The following ACIN1 variants were observed in gnomAD, a reference collection of about 807,000 sequenced individuals.
ACIN1 encodes the protein apoptotic chromatin condensation inducer 1.
A neutral mutation model predicts 146.6 loss-of-function variants in ACIN1; 16 were observed. That is an observed-to-expected ratio of 0.11 (90% CI 0.07 to 0.17). The LOEUF is 0.17. Among genes scored for constraint, ACIN1 ranks in the 10% least tolerant of loss-of-function variants. The pLI is 1.00. For missense variants in ACIN1, 1,357 were observed against 1,609.3 expected, an observed-to-expected ratio of 0.84 and a Z score of 2.68; for synonymous variants, 569 against 582.7, an observed-to-expected ratio of 0.98 and a Z score of 0.34.
chr14:23,081,739 CT>C lies in ACIN1; in HGVS notation c.525+8del. ...GAAGAGGTAATGCTTTAGGAGGTAT[CT>C]GAGTTACCTGTCTGACCCTAGATGA... On this transcript the variant is annotated splice_region_variant and intron_variant, in intron 5 of 18. Transcript: ENST00000605057. The C allele has an allele frequency of 6.2e-7, 1 of 1,606,060 alleles. No individual in the cohort carries two copies. The highest frequency in any genetic ancestry group is 8.5e-7 in the Non-Finnish European group (1 of 1,175,628).
intron 8 of ACIN1, 35 bp from the exon 9 acceptor site, chr14:23,069,652 G>GGGGGGGCC: frequency 3.5e-6 from 2 of 577,950 alleles, no homozygotes; most frequent in African/African-American, 1.9e-5. Flanking sequence ...GGGGGGGCGG[G>GGGGGGGCC]CAGAAAAGAA....
intron 5 of ACIN1, 32 bp from the exon 6 acceptor site, chr14:23,080,841 G>A (rs371560778): frequency 8.7e-5 from 136 of 1,557,074 alleles, no homozygotes; most frequent in Non-Finnish European, 1.2e-4. Context: ...GGCTCCAAAT[G>A]TATTTGCTCA....
intron 4 of ACIN1, among the ~76,000 whole-genome samples, chr14:23,083,256 G>C (rs2047997069): frequency 6.6e-6 from 1 of 151,876 alleles, no homozygotes; most frequent in Non-Finnish European, 1.5e-5. Flanking sequence ...CCAGGCTGGA[G>C]TGCAGTGGCA....
At chr14:23,088,427 C>T (rs190295148) in intron 4 of ACIN1, among the ~76,000 whole-genome samples, 5 of 152,268 alleles carry the variant, frequency 3.3e-5, no homozygotes, top group Admixed American at 6.5e-5. Flanking sequence ...AAAACAGGAC[C>T]TTAAAACTAG....
At chr14:23,075,698 T>C (rs930709836) in intron 8 of ACIN1, among the ~76,000 whole-genome samples, 3 of 150,284 alleles carry the variant, frequency 2.0e-5, no homozygotes, top group African/African-American at 4.9e-5. Context: ...AGGCCATAAA[T>C]GGTCTTTTCC....
In ACIN1 at chr14:23,079,058, A is replaced by C; in HGVS notation, c.1789-20T>G. The C allele has an allele frequency of 6.2e-7, 1 of 1,605,060 alleles. No homozygotes were observed. The highest frequency in any genetic ancestry group is 8.5e-7 in the Non-Finnish European group (1 of 1,174,582). ...CAGAGACTAAAACAAAATGAAACAC[A>C]TAACAAGGAAAATTATTGTATATGG... On this transcript the variant is annotated intron_variant, in intron 6 of 18. Transcript: ENST00000605057.
intron 4 of ACIN1, among the ~76,000 whole-genome samples, chr14:23,087,149 T>C (rs111817346): frequency 4.6e-5 from 7 of 152,198 alleles, no homozygotes; most frequent in South Asian, 2.1e-4. Context: ...TAAGCTGCCA[T>C]TGCAATGGCA....
In ACIN1 at chr14:23,063,442, T is replaced by C. The variant is rs766770604; in HGVS notation, c.2731A>G (p.Lys911Glu). Reference protein sequence around the residue: ...ALPPPAEHEVKKVTLGDTLTR... With the variant: ...ALPPPAEHEVEKVTLGDTLTR... ...CTCACAATATGTCACTCACCTTTCT[T>C]TACTTCATGCTCTGCAGGTGGGGGC... is the stretch of plus-strand genomic sequence containing the variant. Residue 911 changes from lysine to glutamate, a missense_variant, in exon 13 of 19, where the codon AAG (lysine) becomes GAG (glutamate). Coordinates refer to ENST00000605057, the MANE Select transcript of ACIN1 (RefSeq NM_001386863.1). 1.9e-6 allele frequency: 3 copies of C among 1,613,972 alleles called. No homozygotes were observed. Among genetic ancestry groups the C allele is most frequent in the Non-Finnish European group, 2.5e-6 (3 of 1,179,936 alleles).
At position 23,068,244 on chromosome 14, in the gene ACIN1, TAGG is replaced by T. The variant is rs140206107; in HGVS notation, c.2265+1229_2265+1231del. On this transcript the variant is annotated intron_variant, in intron 9 of 18. Coordinates refer to ENST00000605057, the MANE Select transcript of ACIN1 (RefSeq NM_001386863.1). The surrounding 1 kb of genome is among the most constrained non-coding windows in gnomAD (Gnocchi z 4.3). ...AGCATGGCACTGCGATCACAAACTT[TAGG>T]AGGTCTTGGTGCCCTAGATGGGGAT... The T allele has an allele frequency of 0.01, 10,176 of 985,886 alleles. 44 individuals are homozygous for T. Among genetic ancestry groups the T allele is most frequent in the Admixed American group, 0.014 (230 of 16,290 alleles). 61.1% of individuals were successfully genotyped at this position (985,886 alleles called of 1,614,324 possible).
In ACIN1 at chr14:23,067,493, C is replaced by T. The variant is rs1420686074; in HGVS notation, c.2266-1485G>A. On this transcript the variant is annotated intron_variant, in intron 9 of 18. Transcript: ENST00000605057. This position sits in a 1 kb window ranked among gnomAD's most constrained non-coding sequence, Gnocchi z 4.6. ...GGCACTGCCAGAGTCCTCCCAGGGG[C>T]GCAGGGGGGGCGGGAGGGAAACGTG... The T allele has an allele frequency of 1.6e-5, 15 of 912,182 alleles. No individual in the cohort carries two copies. Among genetic ancestry groups the T allele is most frequent in the African/African-American group, 4.0e-5 (2 of 50,538 alleles). The allele number at this position is 912,182 out of a possible 1,614,324, so 56.5% of individuals were successfully genotyped here. A position where few individuals can be genotyped will look rare whatever the true frequency, so the allele number is the denominator to read the frequency against.
Position 23,080,116 on chromosome 14 carries a change from A to G in ACIN1, c.1219T>C (p.Leu407=), listed in dbSNP as rs2047903905. 5.0e-6 allele frequency: 8 copies of G among 1,614,012 alleles called. No individual in the cohort carries two copies. In the South Asian group the frequency reaches 7.7e-5, roughly 16 times the overall value. ...PNTDADTREL[L]VSQHTVQLVG... is the part of the protein sequence containing the mutation. ...AACTGGACAGTATGCTGAGATACTA[A>G]TAGCTCCCTGGTGTCAGCATCTGTA... The change falls in exon 6 of 19, where the codon TTA becomes CTA. Residue 407 remains leucine, a synonymous_variant. Coordinates refer to ENST00000605057, the MANE Select transcript of ACIN1 (RefSeq NM_001386863.1).
At chr14:23,059,791 C>T (rs975721303) in intron 18 of ACIN1, among the ~76,000 whole-genome samples, 3 of 151,080 alleles carry the variant, frequency 2.0e-5, no homozygotes, top group Admixed American at 6.6e-5. Context: ...GCAGCTGGGA[C>T]CACAGGCGCC....
At chr14:23,066,231 A>G in intron 9 of ACIN1, 1 of 500,622 alleles carries the variant, frequency 2.0e-6, no homozygotes, top group Non-Finnish European at 3.6e-6. Context: ...AAATAAAACT[A>G]AACATCAGAG....
chr14:23,092,476 G>A (rs2048254476), intron 2 of ACIN1, among the ~76,000 whole-genome samples: 1 of 152,168 alleles, frequency 6.6e-6, no homozygotes, highest in African/African-American at 2.4e-5. Flanking sequence ...GCTTGTTAAA[G>A]TACTTAATTG....
At position 23,068,168 on chromosome 14, in the gene ACIN1, A is replaced by C. The variant is rs1367849600; in HGVS notation, c.2265+1308T>G. On this transcript the variant is annotated intron_variant, in intron 9 of 18. Coordinates refer to ENST00000605057, the MANE Select transcript of ACIN1 (RefSeq NM_001386863.1). This position sits in a 1 kb window ranked among gnomAD's most constrained non-coding sequence, Gnocchi z 4.3. Reference sequence around the variant, plus strand: ...GGGCTCAGACCCTAGACTCCTCTGCACGGTTCCTAGTCGTCACAGCTTAAG... The same window carrying C: ...GGGCTCAGACCCTAGACTCCTCTGCCCGGTTCCTAGTCGTCACAGCTTAAG... 9.1e-6 allele frequency: 9 copies of C among 985,824 alleles called. No homozygotes were observed. The highest frequency in any genetic ancestry group is 1.2e-4 in the Admixed American group (2 of 16,276). The allele number at this position is 985,824 out of a possible 1,614,324, so 61.1% of individuals were successfully genotyped here. A position where few individuals can be genotyped will look rare whatever the true frequency, so the allele number is the denominator to read the frequency against.
chr14:23,069,652 G>GTGTGGGGGGGGGGGGGGGGC, intron 8 of ACIN1, 35 bp from the exon 9 acceptor site: 1 of 577,974 alleles, frequency 1.7e-6, no homozygotes, highest in Non-Finnish European at 3.3e-6. Context: ...GGGGGGGCGG[G>GTGTGGGGGGGGGGGGGGGGC]CAGAAAAGAA....
In ACIN1 at chr14:23,059,080, C is replaced by T. The variant is rs2047183179; in HGVS notation, c.*68G>A. On this transcript the variant is annotated 3_prime_UTR_variant, in exon 19 of 19. Coordinates refer to ENST00000605057, the MANE Select transcript of ACIN1 (RefSeq NM_001386863.1). Reference sequence around the variant, plus strand: ...GGCTCCAGGGTGGTGGAGACTGTGCCTATCCCTCTGTGGCCATAACCCCCT... The same window carrying T: ...GGCTCCAGGGTGGTGGAGACTGTGCTTATCCCTCTGTGGCCATAACCCCCT... 2 of 1,480,836 alleles carry T rather than the reference C, an allele frequency of 1.4e-6. No individual in the cohort carries two copies. The highest frequency in any genetic ancestry group is 1.9e-6 in the Non-Finnish European group (2 of 1,075,238). 91.7% of individuals were successfully genotyped at this position (1,480,836 alleles called of 1,614,324 possible).
intron 16 of ACIN1, among the ~76,000 whole-genome samples, 197 bp downstream of exon 16, chr14:23,061,971 C>CAAAAAAAAAAAAAAAAAAAAAAAAAAA (rs57962360): frequency 3.4e-5 from 2 of 59,130 alleles, no homozygotes; most frequent in African/African-American, 1.5e-4. Flanking sequence ...GACTCTGTCT[C>CAAAAAAAAAAAAAAAAAAAAAAAAAAA]AAAAAAAAAA....
chr14:23,068,866 C>A lies in ACIN1; in HGVS notation c.2265+610G>T. ...ATTACTTTAAGAGCCAAGAAGACTTCGCTGGCTCTGATGGGGGAAGCCCCC... is the reference window on the plus strand; with the variant it reads ...ATTACTTTAAGAGCCAAGAAGACTTAGCTGGCTCTGATGGGGGAAGCCCCC... On this transcript the variant is annotated intron_variant, in intron 9 of 18. Transcript: ENST00000605057. This position sits in a 1 kb window ranked among gnomAD's most constrained non-coding sequence, Gnocchi z 4.3. 6.1e-6 allele frequency: 6 copies of A among 985,396 alleles called. No individual in the cohort carries two copies. The highest frequency in any genetic ancestry group is 7.2e-6 in the Non-Finnish European group (6 of 829,934). 61.0% of individuals were successfully genotyped at this position (985,396 alleles called of 1,614,324 possible).
Sources: allele counts gnomAD v4.1 joint callset (sites outside exome capture counted in the v4.1 genomes callset), GRCh38; gene constraint gnomAD v4.1.1; non-coding constraint Gnocchi (gnomAD v3.1); transcripts MANE v1.5; gene names NCBI Gene and HGNC (gene_info 2026-07-23, HGNC 2026-07-21).